GNPAT: variants seen among roughly 807,000 people sequenced by gnomAD.
The protein encoded by GNPAT is dihydroxyacetone phosphate acyltransferase.
Under a neutral mutation model 78.4 loss-of-function variants are expected in GNPAT, and 30 were observed. The ratio of observed to expected loss-of-function variants is 0.38; its 90% CI spans 0.29 to 0.52. The LOEUF (loss-of-function observed/expected upper bound fraction) is 0.52, where lower values mean the gene tolerates loss of function less well. Ranked by LOEUF, GNPAT falls within the 20% of genes least tolerant of loss-of-function variation. GNPAT has a pLI of 0.84. For synonymous variants in GNPAT, 271 were observed against 281.1 expected, an observed-to-expected ratio of 0.96 and a Z score of 0.36; for missense variants, 714 against 812.2, an observed-to-expected ratio of 0.88 and a Z score of 1.47.
At chr1:231,267,955 T>A in intron 9 of GNPAT, 52 bp downstream of exon 9, 1 of 1,128,330 alleles carries the variant, frequency 8.9e-7, no homozygotes, top group Non-Finnish European at 1.4e-6. Context: ...TTGGAAGAGT[T>A]AAAACCTGGA....
intron 9 of GNPAT, 39 bp downstream of exon 9, chr1:231,267,942 A>G (rs1307169012): frequency 4.1e-6 from 5 of 1,230,500 alleles, no homozygotes; most frequent in Non-Finnish European, 6.0e-6. Flanking sequence ...ATGCTTGCTT[A>G]ATTTGGAAGA....
At position 231,275,485 on chromosome 1, in the gene GNPAT, GAGA is replaced by G. The variant is rs992975290; in HGVS notation, c.1934_1936del (p.Lys645del). The G allele has an allele frequency of 1.4e-5, 22 of 1,592,600 alleles. No individual in the cohort carries two copies. Among genetic ancestry groups the G allele is most frequent in the Non-Finnish European group, 1.8e-5 (21 of 1,160,388 alleles). ...AGCCTGTGTGAGGCTCGGAGTAGTG[GAGA>G]AGAAGAAGATGTAAGTACTGTACAA... On this transcript the variant is annotated inframe_deletion, in exon 14 of 16. Coordinates refer to ENST00000366647, the MANE Select transcript of GNPAT (RefSeq NM_014236.4).
Position 231,267,878 on chromosome 1 carries a change from A to G in GNPAT, c.1254A>G (p.Ala418=), listed in dbSNP as rs1185259381. The change falls in exon 9 of 16, where the codon GCA becomes GCG. Residue 418 remains alanine (A), a synonymous_variant. Transcript: ENST00000366647. The part of the protein sequence containing the change: ...KTLWLKGLTQ[A]FGGFLIWPDN... ...TATGGCTAAAAGGCTTAACCCAGGC[A>G]TTTGGAGGGTTTCTCATTTGGCCTG... 2 of 1,611,272 alleles carry G rather than the reference A, an allele frequency of 1.2e-6. No homozygotes were observed. The highest frequency in any genetic ancestry group is 1.7e-6 in the Non-Finnish European group (2 of 1,177,458).
Position 231,275,386 on chromosome 1 carries a change from T to A in GNPAT, c.1844-19T>A. On this transcript the variant is annotated intron_variant, in intron 13 of 15. Transcript: ENST00000366647. Reference sequence around the variant, plus strand: ...GAATAGAAACTGGTCAACTAACTCTTCCTCACCCCCAATTTTAGGTACCTC... The same window carrying A: ...GAATAGAAACTGGTCAACTAACTCTACCTCACCCCCAATTTTAGGTACCTC... 1 of 1,579,610 alleles carries A rather than the reference T, an allele frequency of 6.3e-7. No homozygotes were observed. Among genetic ancestry groups the A allele is most frequent in the Non-Finnish European group, 8.7e-7 (1 of 1,148,512 alleles).
chr1:231,272,872 G>C (rs993529880), intron 11 of GNPAT, among the ~76,000 whole-genome samples: 1 of 152,156 alleles, frequency 6.6e-6, no homozygotes, highest in Non-Finnish European at 1.5e-5. Context: ...AGGAGGCTGA[G>C]GCTGAGGCAG....
chr1:231,258,717 G>A (rs867261163), intron 2 of GNPAT, among the ~76,000 whole-genome samples: 24 of 124,748 alleles, frequency 1.9e-4, no homozygotes, highest in South Asian at 8.2e-4. Flanking sequence ...TGCAAGCTCC[G>A]CCTCCCAGGT....
Position 231,241,261 on chromosome 1 carries a change from A to G in GNPAT, c.-118A>G, listed in dbSNP as rs542067193. 6 of 1,422,882 alleles carry G rather than the reference A, an allele frequency of 4.2e-6. No homozygotes were observed. Among genetic ancestry groups the G allele is most frequent in the South Asian group, 2.3e-5 (2 of 87,202 alleles). 88.1% of individuals were successfully genotyped at this position (1,422,882 alleles called of 1,614,324 possible). A position where few individuals can be genotyped will look rare whatever the true frequency, so the allele number is the denominator to read the frequency against. On this transcript the variant is annotated 5_prime_UTR_variant, in exon 1 of 16. Coordinates refer to ENST00000366647, the MANE Select transcript of GNPAT (RefSeq NM_014236.4). ...CCGGGATCCTGTGTAGCGGCTGCAG[A>G]GGGTGCCGCCGCCCTAGGCGAAGTA...
rs142487190 is a variant in GNPAT, at chr1:231,275,453, C to T, written c.1892C>T (p.Ala631Val). 6.3e-4 allele frequency: 1,017 copies of T among 1,612,144 alleles called. 2 individuals are homozygous for T. Among genetic ancestry groups the T allele is most frequent in the South Asian group, 9.8e-4 (89 of 91,012 alleles). The change falls in exon 14 of 16, where the codon GCC becomes GTC. Residue 631 changes from alanine to valine, a missense_variant. Ala to Val is a moderately conservative substitution (Grantham distance 64). Transcript: ENST00000366647. ...TTATCTTCTGATGTGCAGAAAAACGCCTTAGCAGCCTGTGTGAGGCTCGGA... is the reference window on the plus strand; with the variant it reads ...TTATCTTCTGATGTGCAGAAAAACGTCTTAGCAGCCTGTGTGAGGCTCGGA... ...DVLSSDVQKN[A>V]LAACVRLGVV...
chr1:231,277,066 A>G (rs181944118), intron 15 of GNPAT, among the ~76,000 whole-genome samples: 1 of 152,302 alleles, frequency 6.6e-6, no homozygotes, highest in African/African-American at 2.4e-5. Flanking sequence ...GCATATCGGG[A>G]AGGCGGAAGT....
At chr1:231,275,127 C>T in intron 12 of GNPAT, 94 bp from the exon 13 acceptor site, 1 of 787,098 alleles carries the variant, frequency 1.3e-6, no homozygotes, top group African/African-American at 1.7e-5. Flanking sequence ...ATATCCTTCT[C>T]TTAAGAGGGG....
chr1:231,241,352 G>C lies in GNPAT; in HGVS notation c.-27G>C, dbSNP rs1029270711. On this transcript the variant is annotated 5_prime_UTR_variant, in exon 1 of 16. Coordinates refer to ENST00000366647, the MANE Select transcript of GNPAT (RefSeq NM_014236.4). ...CACCACGGCTTAGCAAAGAATCCCA[G>C]ACCCCGCCCGGGAAGGCAGCCGCAC... is the stretch of plus-strand genomic sequence containing the variant. 2 of 1,594,668 alleles carry C rather than the reference G, an allele frequency of 1.3e-6. No homozygotes were observed. The highest frequency in any genetic ancestry group is 3.3e-5 in the Admixed American group (2 of 60,018).
At chr1:231,251,293 G>C in intron 2 of GNPAT, 150 bp downstream of exon 2, 1 of 594,452 alleles carries the variant, frequency 1.7e-6, no homozygotes, top group East Asian at 2.7e-5. Context: ...GTGTGTGTTA[G>C]CCTCTTGCTA....
At chr1:231,272,420 T>A in intron 11 of GNPAT, 29 bp downstream of exon 11, 1 of 1,131,716 alleles carries the variant, frequency 8.8e-7, no homozygotes, top group Non-Finnish European at 1.3e-6. Context: ...AGAGCAAGTA[T>A]GTTTGCAGTG....
intron 10 of GNPAT, 110 bp downstream of exon 10, chr1:231,271,110 G>A (rs1685552847): frequency 5.6e-6 from 7 of 1,256,452 alleles, no homozygotes; most frequent in Admixed American, 3.4e-5. Context: ...CCGGTGAAGA[G>A]CAGGCCTATC....
At chr1:231,260,959 T>C (rs1174098881) in intron 3 of GNPAT, among the ~76,000 whole-genome samples, 1 of 152,208 alleles carries the variant, frequency 6.6e-6, no homozygotes, top group Non-Finnish European at 1.5e-5. Flanking sequence ...TAGACTAACT[T>C]AATGCCAGAT....
chr1:231,264,925 A>G (rs956758063), intron 4 of GNPAT, among the ~76,000 whole-genome samples: 1 of 152,240 alleles, frequency 6.6e-6, no homozygotes, highest in Non-Finnish European at 1.5e-5. Flanking sequence ...AGCACAAGGT[A>G]ACCTCCCAGT....
At position 231,251,042 on chromosome 1, in the gene GNPAT, T is replaced by C. The variant is rs1271179242; in HGVS notation, c.160T>C (p.Cys54Arg). 6.3e-7 allele frequency: 1 copy of C among 1,599,718 alleles called. No homozygotes were observed. The highest frequency in any genetic ancestry group is 2.2e-5 in the East Asian group (1 of 44,780). Reference protein sequence around the residue: ...HVSDLKFAMKCYTPLVYKGIT... With the variant: ...HVSDLKFAMKRYTPLVYKGIT... The stretch of plus-strand genomic sequence containing the variant: ...CAGTGACTTGAAATTTGCAATGAAA[T>C]GCTACACACCTCTTGTCTATAAGGG... Residue 54 changes from cysteine to arginine, a missense_variant, in exon 2 of 16, where the codon TGC becomes CGC. Transcript: ENST00000366647.
intron 4 of GNPAT, among the ~76,000 whole-genome samples, chr1:231,263,778 A>G (rs1443686856): frequency 3.9e-5 from 6 of 152,124 alleles, no homozygotes; most frequent in Non-Finnish European, 5.9e-5. Flanking sequence ...TATGTTTTAT[A>G]ATAATTTTAA....
intron 10 of GNPAT, 26 bp downstream of exon 10, chr1:231,271,026 CT>C (rs1685551015): frequency 6.2e-7 from 1 of 1,612,954 alleles, no homozygotes; most frequent in South Asian, 1.1e-5. Context: ...GCAATCTTGA[CT>C]TTTAGAAGAG....
Sources: gnomAD v4.1 joint callset for allele counts (sites outside exome capture counted in the v4.1 genomes callset) on GRCh38, gnomAD v4.1.1 for gene constraint, MANE v1.5 for transcripts, NCBI Gene and HGNC (gene_info 2026-07-23, HGNC 2026-07-21) for gene names.